SGIP1: variants seen among roughly 807,000 people sequenced by gnomAD.
The protein encoded by SGIP1 is SH3GL interacting endocytic adaptor 1, also known as SH3-containing GRB2-like protein 3-interacting protein 1.
Under a neutral mutation model 107.5 loss-of-function variants are expected in SGIP1, and 38 were observed. The observed-to-expected ratio is 0.35, with a 90% CI of 0.27 to 0.46. SGIP1 has a LOEUF of 0.46. Ranked by LOEUF, SGIP1 falls within the 20% of genes least tolerant of loss-of-function variation. SGIP1 has a pLI of 1.00. For synonymous variants in SGIP1, 365 were observed against 366.1 expected, an observed-to-expected ratio of 1.00 and a Z score of 0.03; for missense variants, 929 against 1,019.5, an observed-to-expected ratio of 0.91 and a Z score of 1.21.
intron 8 of SGIP1, among the ~76,000 whole-genome samples, chr1:66,664,168 G>A (rs1434890126): frequency 6.6e-6 from 1 of 152,086 alleles, no homozygotes; most frequent in African/African-American, 2.4e-5. Context: ...ATATAAAAAA[G>A]TATTTGAATT....
At chr1:66,686,450 C>T (rs1435492252) in intron 15 of SGIP1, among the ~76,000 whole-genome samples, 1 of 152,018 alleles carries the variant, frequency 6.6e-6, no homozygotes, top group African/African-American at 2.4e-5. Flanking sequence ...CATTTTCCAG[C>T]ATTGTTCTGG....
At chr1:66,737,964 T>A (rs2094323609) in intron 21 of SGIP1, among the ~76,000 whole-genome samples, 1 of 150,036 alleles carries the variant, frequency 6.7e-6, no homozygotes, top group Non-Finnish European at 1.5e-5. Flanking sequence ...TTTTCATATA[T>A]CCACAAAGCA....
At chr1:66,719,432 CT>C (rs756637893) in intron 19 of SGIP1, 27 bp downstream of exon 19, 2 of 1,575,268 alleles carry the variant, frequency 1.3e-6, no homozygotes, top group South Asian at 2.2e-5. Flanking sequence ...GTCCATTGTA[CT>C]TTCTGAGTTC....
At chr1:66,669,695 C>A (rs1312323787) in intron 9 of SGIP1, among the ~76,000 whole-genome samples, 2 of 152,134 alleles carry the variant, frequency 1.3e-5, no homozygotes, top group Non-Finnish European at 2.9e-5. Context: ...TGTAGTAATT[C>A]TCTATATGAC....
At chr1:66,660,554 G>T (rs199593903) in intron 8 of SGIP1, 30 bp downstream of exon 8, 2 of 1,593,602 alleles carry the variant, frequency 1.3e-6, no homozygotes, top group Non-Finnish European at 1.7e-6. Flanking sequence ...CGCTTTTGGG[G>T]CAAACATTAT....
At chr1:66,623,933 A>G (rs2071920257) in intron 1 of SGIP1, among the ~76,000 whole-genome samples, 1 of 152,222 alleles carries the variant, frequency 6.6e-6, no homozygotes, top group African/African-American at 2.4e-5. Context: ...CTATTGTCCA[A>G]ACTTGGTGGT....
chr1:66,686,151 T>A (rs892925354), intron 15 of SGIP1, among the ~76,000 whole-genome samples: 1 of 152,270 alleles, frequency 6.6e-6, no homozygotes. Context: ...AGCTAGTAAG[T>A]AGCAGAGCCA....
At chr1:66,742,449 G>A (rs2094476793) in intron 24 of SGIP1, among the ~76,000 whole-genome samples, 1 of 85,766 alleles carries the variant, frequency 1.2e-5, no homozygotes, top group Non-Finnish European at 2.8e-5. Flanking sequence ...TAAGTTATAT[G>A]AGCACCCTTT....
chr1:66,590,336 G>A (rs2148871309), intron 1 of SGIP1: 1 of 152,316 alleles, frequency 6.6e-6, no homozygotes, highest in Middle Eastern at 3.4e-3. Flanking sequence ...TTTGATTAAG[G>A]AAGTCCTTTA....
chr1:66,677,964 G>A (rs77791654), intron 13 of SGIP1, among the ~76,000 whole-genome samples: 1,905 of 152,232 alleles, frequency 0.013, 44 homozygotes, highest in African/African-American at 0.043. Context: ...AATTAACCGC[G>A]GGGATTCATA....
intron 18 of SGIP1, among the ~76,000 whole-genome samples, chr1:66,702,715 T>C (rs1376169900): frequency 6.6e-6 from 1 of 152,194 alleles, no homozygotes; most frequent in Non-Finnish European, 1.5e-5. Context: ...TCACTGATAA[T>C]GTAGTTTCTT....
intron 1 of SGIP1, among the ~76,000 whole-genome samples, chr1:66,619,003 T>G (rs901282856): frequency 1.3e-5 from 2 of 152,164 alleles, no homozygotes; most frequent in Non-Finnish European, 2.9e-5. Context: ...TTTGCATGCT[T>G]CTGGGGGAGA....
At chr1:66,715,672 T>C (rs2093197319) in intron 18 of SGIP1, among the ~76,000 whole-genome samples, 1 of 152,178 alleles carries the variant, frequency 6.6e-6, no homozygotes, top group Non-Finnish European at 1.5e-5. Flanking sequence ...TTACTCATCC[T>C]TTGATATAGC....
chr1:66,721,516 C>T (rs902843315), intron 19 of SGIP1, among the ~76,000 whole-genome samples: 1 of 152,172 alleles, frequency 6.6e-6, no homozygotes, highest in Non-Finnish European at 1.5e-5. Context: ...TCAGGCAATT[C>T]TCCCACTTCA....
intron 1 of SGIP1, among the ~76,000 whole-genome samples, chr1:66,610,802 C>A (rs2067838212): frequency 6.6e-6 from 1 of 151,720 alleles, no homozygotes; most frequent in Admixed American, 6.6e-5. Context: ...ATATTTATTG[C>A]ATGAAAAAGA....
intron 17 of SGIP1, among the ~76,000 whole-genome samples, chr1:66,693,958 T>A (rs538611969): frequency 6.6e-6 from 1 of 152,366 alleles, no homozygotes; most frequent in South Asian, 2.1e-4. Context: ...TGTTGCTTTT[T>A]TATGGCCATG....
chr1:66,712,397 C>T (rs1467893183), intron 18 of SGIP1, among the ~76,000 whole-genome samples: 2 of 152,098 alleles, frequency 1.3e-5, no homozygotes, highest in African/African-American at 4.8e-5. Flanking sequence ...AGAAAGTGCA[C>T]AGGAAGGGGA....
At chr1:66,670,682 C>G (rs17129318) in intron 9 of SGIP1, among the ~76,000 whole-genome samples, 11,700 of 152,172 alleles carry the variant, frequency 0.077, 469 homozygotes, top group South Asian at 0.098. Flanking sequence ...ATCTACTAGA[C>G]TTCAAGAGGT....
intron 15 of SGIP1, among the ~76,000 whole-genome samples, chr1:66,682,803 G>A (rs975322342): frequency 1.4e-5 from 2 of 144,794 alleles, no homozygotes; most frequent in African/African-American, 4.9e-5. Flanking sequence ...GCAAGCAGGA[G>A]GGGGTGGGTG....
Sources: allele counts gnomAD v4.1 joint callset (sites outside exome capture counted in the v4.1 genomes callset), GRCh38; gene constraint gnomAD v4.1.1; transcripts MANE v1.5; gene names NCBI Gene and HGNC (gene_info 2026-07-23, HGNC 2026-07-21).